ABLIM3: variants seen among roughly 807,000 people sequenced by gnomAD.
ABLIM3 encodes the protein actin binding LIM protein family member 3.
A neutral mutation model predicts 109.5 loss-of-function variants in ABLIM3; 61 were observed. The ratio of observed to expected loss-of-function variants is 0.56; its 90% confidence interval spans 0.45 to 0.69. The LOEUF (loss-of-function observed/expected upper bound fraction) is 0.69. ABLIM3 is among the 30% of genes least tolerant of loss of function. The pLI is 0.00. For synonymous variants in ABLIM3, 300 were observed against 324.8 expected, an observed-to-expected ratio of 0.92 and a Z score of 0.82; for missense variants, 796 against 889.5, an observed-to-expected ratio of 0.89 and a Z score of 1.34.
Position 149,259,470 on chromosome 5 carries a change from T to G in ABLIM3, c.*1066T>G. Reference sequence around the variant, plus strand: ...AGGTTCTTGGTCTATGCCTCTGGTCTGTGGGCTGGCAGGGCAACCATACCA... The same window carrying G: ...AGGTTCTTGGTCTATGCCTCTGGTCGGTGGGCTGGCAGGGCAACCATACCA... On this transcript the variant is annotated 3_prime_UTR_variant, in exon 24 of 24. Coordinates refer to ENST00000309868, the MANE Select transcript of ABLIM3 (RefSeq NM_014945.5). 1 of 1,535,860 alleles carries G rather than the reference T, an allele frequency of 6.5e-7. No homozygotes were observed. Among genetic ancestry groups the G allele is most frequent in the Non-Finnish European group, 8.7e-7 (1 of 1,146,828 alleles).
At chr5:149,192,587 T>C (rs1757582263) in intron 3 of ABLIM3, among the ~76,000 whole-genome samples, 1 of 140,568 alleles carries the variant, frequency 7.1e-6, no homozygotes. Context: ...GATCGGCCAC[T>C]GCACTCCAGC....
chr5:149,194,402 A>G (rs960105147), intron 3 of ABLIM3, among the ~76,000 whole-genome samples: 12 of 152,360 alleles, frequency 7.9e-5, no homozygotes, highest in Middle Eastern at 6.8e-3. Context: ...TTGATGATAT[A>G]TATCAGTGGG....
intron 7 of ABLIM3, among the ~76,000 whole-genome samples, chr5:149,214,933 T>A (rs1477452578): frequency 6.6e-6 from 1 of 152,200 alleles, no homozygotes; most frequent in Non-Finnish European, 1.5e-5. Flanking sequence ...CCATTTTTCT[T>A]TACTATTTTC....
chr5:149,251,571 AC>A lies in ABLIM3; in HGVS notation c.1849+157del, dbSNP rs1402350847. On this transcript the variant is annotated intron_variant, in intron 21 of 23. Transcript: ENST00000309868. ...GAGTTCTTACTCTCTTTCACTTCCC[AC>A]CCCCTCCCTTTTCCCCTGCTCTTCC... The A allele has an allele frequency of 7.1e-5, 61 of 856,494 alleles. No homozygotes were observed. In the African/African-American group the frequency reaches 8.6e-4, roughly 12 times the overall value. The allele number at this position is 856,494 out of a possible 1,614,324, so 53.1% of individuals were successfully genotyped here.
intron 8 of ABLIM3, among the ~76,000 whole-genome samples, chr5:149,221,277 G>A (rs182594299): frequency 3.9e-5 from 6 of 152,166 alleles, no homozygotes; most frequent in Admixed American, 3.9e-4. Context: ...ATGCCACAAG[G>A]TCCTCATGAA....
intron 2 of ABLIM3, among the ~76,000 whole-genome samples, chr5:149,146,419 GT>G (rs1221304685): frequency 6.6e-6 from 1 of 152,126 alleles, no homozygotes; most frequent in African/African-American, 2.4e-5. Context: ...TGTTTCCTAG[GT>G]TTTCTTCTAG....
chr5:149,183,346 C>A, intron 2 of ABLIM3, 106 bp from the exon 3 acceptor site: 2 of 1,326,644 alleles, frequency 1.5e-6, no homozygotes, highest in Non-Finnish European at 2.0e-6. Context: ...CACATCATTT[C>A]TTCCCCTTCC....
intron 14 of ABLIM3, among the ~76,000 whole-genome samples, chr5:149,241,089 G>A (rs1333071372): frequency 6.6e-6 from 1 of 152,212 alleles, no homozygotes; most frequent in African/African-American, 2.4e-5. Context: ...CAGCGGTGAA[G>A]GCTACACACT....
chr5:149,200,367 G>A lies in ABLIM3; in HGVS notation c.387G>A (p.Val129=). The change falls in exon 5 of 24, where the codon GTG becomes GTA. Residue 129 remains valine, a synonymous_variant. Transcript: ENST00000309868. ...DKVTFSGKEC[V]CQTCSQSMAS... ...TGACCTTCAGCGGTAAAGAATGTGTGTGCCAAACGTGCTCCCAGTCCATGG... is the reference window on the plus strand; with the variant it reads ...TGACCTTCAGCGGTAAAGAATGTGTATGCCAAACGTGCTCCCAGTCCATGG... 2 of 1,614,214 alleles carry A rather than the reference G, an allele frequency of 1.2e-6. No homozygotes were observed. The highest frequency in any genetic ancestry group is 2.2e-5 in the East Asian group (1 of 44,876).
intron 13 of ABLIM3, 128 bp from the exon 14 acceptor site, chr5:149,240,548 C>A: frequency 1.4e-6 from 1 of 733,484 alleles, no homozygotes; most frequent in Non-Finnish European, 2.4e-6. Context: ...CCTGAGCACG[C>A]TGAGACGCCC....
chr5:149,180,346 T>C (rs4362930), intron 2 of ABLIM3, among the ~76,000 whole-genome samples: 64,581 of 152,012 alleles, frequency 0.42, 14,380 homozygotes, highest in East Asian at 0.68. Context: ...AAGAAGTAAA[T>C]ACACACCCCC....
chr5:149,240,184 G>A (rs957113128), intron 13 of ABLIM3, among the ~76,000 whole-genome samples: 27 of 152,226 alleles, frequency 1.8e-4, no homozygotes, highest in Admixed American at 1.6e-3. Context: ...CACCATCCTC[G>A]TGGCCTGCCC....
chr5:149,142,226 C>A, intron 2 of ABLIM3, 118 bp downstream of exon 2: 1 of 1,435,398 alleles, frequency 7.0e-7, no homozygotes, highest in Non-Finnish European at 9.8e-7. Flanking sequence ...GACACATGAC[C>A]CCCAGGCTCT....
intron 7 of ABLIM3, among the ~76,000 whole-genome samples, chr5:149,215,383 C>G (rs762699277): frequency 6.6e-6 from 1 of 151,874 alleles, no homozygotes; most frequent in Non-Finnish European, 1.5e-5. Flanking sequence ...TATAAACAAA[C>G]GGGGGGAAAA....
chr5:149,149,122 A>G (rs1357675883), intron 2 of ABLIM3, among the ~76,000 whole-genome samples: 1 of 152,248 alleles, frequency 6.6e-6, no homozygotes, highest in African/African-American at 2.4e-5. Flanking sequence ...TGGGATAAGT[A>G]GAGACCATGC....
At position 149,247,875 on chromosome 5, in the gene ABLIM3, A is replaced by G. The variant is rs142642160; in HGVS notation, c.1645A>G (p.Thr549Ala). The change falls in exon 18 of 24, where the codon ACC (threonine) becomes GCC (alanine). Residue 549 changes from threonine to alanine, a missense_variant. Physicochemically the swap from Thr to Ala is moderately conservative, Grantham distance 58. Coordinates refer to ENST00000309868, the MANE Select transcript of ABLIM3 (RefSeq NM_014945.5). ...TCCCTGGACCCCTCCCCGGAGCTCC[A>G]CCAGCAGCCGGGAAGCCCTGCACAC... ...ADPWTPPRSS[T>A]SSREALHTAG... 8 of 1,614,198 alleles carry G rather than the reference A, an allele frequency of 5.0e-6. No homozygotes were observed. In the East Asian group the frequency reaches 1.3e-4, roughly 27 times the overall value.
intron 2 of ABLIM3, among the ~76,000 whole-genome samples, chr5:149,180,497 A>C (rs1756361524): frequency 6.6e-6 from 1 of 152,190 alleles, no homozygotes; most frequent in African/African-American, 2.4e-5. Context: ...GCTTCCATTG[A>C]CACCCAGAGT....
At chr5:149,184,999 G>A (rs914269723) in intron 3 of ABLIM3, among the ~76,000 whole-genome samples, 1 of 152,174 alleles carries the variant, frequency 6.6e-6, no homozygotes, top group Non-Finnish European at 1.5e-5. Context: ...ATATCTTGGT[G>A]AGTGATTATT....
At chr5:149,185,390 G>T (rs1756865166) in intron 3 of ABLIM3, among the ~76,000 whole-genome samples, 1 of 152,110 alleles carries the variant, frequency 6.6e-6, no homozygotes, top group African/African-American at 2.4e-5. Context: ...GAGAGAACAA[G>T]CTTTAATAGG....
Sources: allele counts gnomAD v4.1 joint callset (sites outside exome capture counted in the v4.1 genomes callset), GRCh38; gene constraint gnomAD v4.1.1; transcripts MANE v1.5; gene names NCBI Gene and HGNC (gene_info 2026-07-23, HGNC 2026-07-21).